RNF152: variants seen among roughly 807,000 people sequenced by gnomAD.
RNF152 encodes ring finger protein 152.
In RNF152, 11 loss-of-function variants were observed where a neutral mutation model predicts 12.7. The observed-to-expected ratio is 0.86, with a 90% CI of 0.54 to 1.43. The LOEUF (loss-of-function observed/expected upper bound fraction) is 1.43. Ranked by LOEUF, RNF152 falls within the 40% of genes most tolerant of loss-of-function variation. RNF152 has a pLI of 0.00. For missense variants in RNF152, 255 were observed against 274.8 expected, an observed-to-expected ratio of 0.93 and a Z score of 0.51; for synonymous variants, 113 against 120.3, an observed-to-expected ratio of 0.94 and a Z score of 0.40.
rs73458465 is a variant in RNF152, at chr18:61,866,653, C to T, written c.-136+26142G>A. ...GCACATGGTATTCCCTGTGCTTCTC[C>T]TCCATGTCTCCTCTCCCTGCTGTGT... On this transcript the variant is annotated intron_variant, in intron 1 of 1. Coordinates refer to ENST00000312828, the MANE Select transcript of RNF152 (RefSeq NM_173557.3). Among the ~76,000 whole-genome samples, 227 of 152,340 alleles carry T rather than the reference C, an allele frequency of 1.5e-3. 1 individual carries two copies. Among genetic ancestry groups the T allele is most frequent in the African/African-American group, 5.1e-3 (214 of 41,582 alleles).
intron 1 of RNF152, among the ~76,000 whole-genome samples, chr18:61,860,989 G>C (rs1424420524): frequency 1.3e-5 from 2 of 152,190 alleles, no homozygotes; most frequent in African/African-American, 4.8e-5. Flanking sequence ...TTTTGGTACA[G>C]TTGTATAATA....
intron 1 of RNF152, among the ~76,000 whole-genome samples, chr18:61,880,729 C>T (rs1018616004): frequency 6.6e-6 from 1 of 152,184 alleles, no homozygotes; most frequent in Non-Finnish European, 1.5e-5. Flanking sequence ...ATAATAACTT[C>T]AATTTGCATC....
chr18:61,862,898 G>T (rs1911554759), intron 1 of RNF152, among the ~76,000 whole-genome samples: 1 of 152,132 alleles, frequency 6.6e-6, no homozygotes. Flanking sequence ...CAATCAGTGG[G>T]CTCTGACATT....
chr18:61,888,172 G>A (rs7505697), intron 1 of RNF152: 79,639 of 152,114 alleles, frequency 0.52, 20,933 homozygotes, highest in East Asian at 0.75. Context: ...ACAACTCCAC[G>A]AAGAACGTAG....
intron 1 of RNF152, among the ~76,000 whole-genome samples, chr18:61,835,166 C>T (rs9961592): frequency 0.46 from 69,502 of 152,062 alleles, 16,387 homozygotes; most frequent in Non-Finnish European, 0.53. Flanking sequence ...AAAGTATTTG[C>T]AAGTATTCAT....
intron 1 of RNF152, among the ~76,000 whole-genome samples, chr18:61,826,451 A>G (rs770885084): frequency 6.6e-6 from 1 of 152,136 alleles, no homozygotes; most frequent in Admixed American, 6.5e-5. Context: ...TTTCCTAAAG[A>G]TACCTATTTG....
At chr18:61,879,894 G>C (rs558410597) in intron 1 of RNF152, among the ~76,000 whole-genome samples, 2 of 151,790 alleles carry the variant, frequency 1.3e-5, no homozygotes, top group African/African-American at 4.8e-5. Flanking sequence ...GAACCCAGGA[G>C]GCAGAGGTTG....
At chr18:61,870,133 G>A (rs937284347) in intron 1 of RNF152, among the ~76,000 whole-genome samples, 1 of 152,172 alleles carries the variant, frequency 6.6e-6, no homozygotes, top group African/African-American at 2.4e-5. Flanking sequence ...GAAATATTAC[G>A]TTCCTGCACC....
upstream of RNF152, among the ~76,000 whole-genome samples, chr18:61,893,917 C>T (rs949037136): frequency 5.2e-4 from 79 of 151,856 alleles, no homozygotes; most frequent in Non-Finnish European, 8.0e-4. Flanking sequence ...ACTCCCGGGA[C>T]CACCTCCCCC....
chr18:61,869,471 C>T (rs1275602485), intron 1 of RNF152, among the ~76,000 whole-genome samples: 3 of 152,198 alleles, frequency 2.0e-5, no homozygotes, highest in Non-Finnish European at 2.9e-5. Context: ...GCCCTGTCAC[C>T]TCACCACAGA....
chr18:61,884,906 T>C (rs4293482), intron 1 of RNF152, among the ~76,000 whole-genome samples: 79,662 of 152,082 alleles, frequency 0.52, 20,943 homozygotes, highest in East Asian at 0.75. Flanking sequence ...ATAAGTGGTT[T>C]AAATACCTGA....
At chr18:61,859,813 A>C (rs935927642) in intron 1 of RNF152, among the ~76,000 whole-genome samples, 1 of 152,058 alleles carries the variant, frequency 6.6e-6, no homozygotes, top group Admixed American at 6.6e-5. Context: ...CAGGAGGTGG[A>C]GGTTGCAGTG....
intron 1 of RNF152, among the ~76,000 whole-genome samples, chr18:61,848,384 G>C (rs1195126669): frequency 2.0e-5 from 3 of 152,118 alleles, no homozygotes; most frequent in Non-Finnish European, 2.9e-5. Context: ...TAGCCTCAAA[G>C]AGAAGCTCTA....
At chr18:61,823,101 G>C (rs1356890847) in intron 1 of RNF152, among the ~76,000 whole-genome samples, 1 of 152,162 alleles carries the variant, frequency 6.6e-6, no homozygotes, top group Non-Finnish European at 1.5e-5. Flanking sequence ...AATCCTTCCA[G>C]GACACAACTG....
At chr18:61,864,546 C>T (rs1048298390) in intron 1 of RNF152, among the ~76,000 whole-genome samples, 6 of 152,176 alleles carry the variant, frequency 3.9e-5, no homozygotes, top group Non-Finnish European at 8.8e-5. Context: ...ATGGAGGCTT[C>T]GCTGTGTAGA....
At chr18:61,877,651 G>T (rs1177404829) in intron 1 of RNF152, among the ~76,000 whole-genome samples, 1 of 152,086 alleles carries the variant, frequency 6.6e-6, no homozygotes, top group Non-Finnish European at 1.5e-5. Context: ...AGGGTGGTAG[G>T]AATAACAAAT....
rs1048878286 is a variant in RNF152, at chr18:61,813,992, C to G, written c.*1860G>C. On this transcript the variant is annotated 3_prime_UTR_variant, in exon 2 of 2. Coordinates refer to ENST00000312828, the MANE Select transcript of RNF152 (RefSeq NM_173557.3). Reference sequence around the variant, plus strand: ...TTATTTGTTGTATAATGCCCAAGAGCTTACACAATAAAATGGCATTTTAAC... The same window carrying G: ...TTATTTGTTGTATAATGCCCAAGAGGTTACACAATAAAATGGCATTTTAAC... 1.3e-5 allele frequency: 2 copies of G among 152,168 alleles called. No individual in the cohort carries two copies. The highest frequency in any genetic ancestry group is 4.8e-5 in the African/African-American group (2 of 41,436). 9.4% of individuals were successfully genotyped at this position (152,168 alleles called of 1,614,324 possible).
Position 61,816,043 on chromosome 18 carries a change from G to T in RNF152, c.421C>A (p.Pro141Thr). The change falls in exon 2 of 2, where the codon CCT (proline) becomes ACT (threonine). Residue 141 changes from proline to threonine, a missense_variant. Physicochemically the swap from Pro to Thr is conservative, Grantham distance 38. Transcript: ENST00000312828. ...TCCTGGGGAGCCCCACCTTGCAGAG[G>T]CTGCTGTTCAGCAGGGATGGTCACC... is the stretch of plus-strand genomic sequence containing the variant. The part of the protein sequence containing the change: ...TVVTIPAEQQ[P>T]LQGGAPQEAV... 6.2e-7 allele frequency: 1 copy of T among 1,614,252 alleles called. No individual in the cohort carries two copies. The highest frequency in any genetic ancestry group is 1.1e-5 in the South Asian group (1 of 91,082).
chr18:61,888,383 T>C (rs945089157), intron 1 of RNF152: 1 of 152,218 alleles, frequency 6.6e-6, no homozygotes, highest in Non-Finnish European at 1.5e-5. Flanking sequence ...GTTTGACCTA[T>C]GACCTTTGAT....
Sources: gnomAD v4.1 joint callset for allele counts (sites outside exome capture counted in the v4.1 genomes callset) on GRCh38, gnomAD v4.1.1 for gene constraint, MANE v1.5 for transcripts, NCBI Gene and HGNC (gene_info 2026-07-23, HGNC 2026-07-21) for gene names.